SRGAP3: variants seen among roughly 807,000 people sequenced by gnomAD.
SRGAP3 encodes the protein SLIT-ROBO Rho GTPase activating protein 3.
In SRGAP3, 39 loss-of-function variants were observed where a neutral mutation model predicts 121.1. The ratio of observed to expected loss-of-function variants is 0.32; its 90% CI spans 0.25 to 0.42. The LOEUF (loss-of-function observed/expected upper bound fraction) is 0.42. Among genes scored for constraint, SRGAP3 ranks in the 10% least tolerant of loss-of-function variants. The pLI, the probability that SRGAP3 is intolerant of heterozygous loss-of-function variation, is 1.00. For synonymous variants in SRGAP3, 601 were observed against 570.0 expected, an observed-to-expected ratio of 1.05 and a Z score of -0.77; for missense variants, 1,213 against 1,470.6, an observed-to-expected ratio of 0.82 and a Z score of 2.86.
intron 1 of SRGAP3, among the ~76,000 whole-genome samples, chr3:9,347,993 A>G (rs920432403): frequency 9.2e-5 from 14 of 152,240 alleles, no homozygotes; most frequent in African/African-American, 3.4e-4. Context: ...AACAGGCACT[A>G]GAAACACCCA....
At chr3:9,174,683 G>C (rs368397857) in intron 1 of SRGAP3, among the ~76,000 whole-genome samples, 1 of 152,196 alleles carries the variant, frequency 6.6e-6, no homozygotes, top group African/African-American at 2.4e-5. Context: ...GACCTTGCCC[G>C]TTCTCACCAG....
At chr3:9,302,033 G>A (rs1191804586) in intron 3 of SRGAP3, among the ~76,000 whole-genome samples, 1 of 152,166 alleles carries the variant, frequency 6.6e-6, no homozygotes. Context: ...TCGTCTTGCC[G>A]AGAGCTAACA....
At chr3:9,118,572 C>T (rs1948887516) in intron 2 of SRGAP3, among the ~76,000 whole-genome samples, 1 of 152,164 alleles carries the variant, frequency 6.6e-6, no homozygotes, top group Admixed American at 6.5e-5. Flanking sequence ...GGAGGGAAGG[C>T]CAGCACAGCC....
At chr3:9,356,426 G>A (rs996213552) in intron 1 of SRGAP3, among the ~76,000 whole-genome samples, 2 of 140,786 alleles carry the variant, frequency 1.4e-5, no homozygotes, top group Non-Finnish European at 3.0e-5. Context: ...AGGCTGGAGT[G>A]CAGTGGCGCA....
intron 2 of SRGAP3, among the ~76,000 whole-genome samples, chr3:9,118,234 C>A (rs1190141535): frequency 6.6e-6 from 1 of 152,216 alleles, no homozygotes; most frequent in East Asian, 1.9e-4. Flanking sequence ...AAAAATCAGT[C>A]TTTCGTATCC....
intron 8 of SRGAP3, among the ~76,000 whole-genome samples, chr3:9,054,362 C>T (rs532610168): frequency 6.6e-6 from 1 of 152,336 alleles, no homozygotes; most frequent in Admixed American, 6.5e-5. Context: ...TATGATAAAA[C>T]CTTAGTCTGC....
intron 10 of SRGAP3, among the ~76,000 whole-genome samples, chr3:9,047,145 T>A (rs1945329769): frequency 6.6e-6 from 1 of 152,170 alleles, no homozygotes; most frequent in Non-Finnish European, 1.5e-5. Context: ...ATTTTCTTTA[T>A]TTTATTTTTT....
At chr3:9,241,721 T>C (rs1401221911) in intron 1 of SRGAP3, among the ~76,000 whole-genome samples, 1 of 152,040 alleles carries the variant, frequency 6.6e-6, no homozygotes, top group Non-Finnish European at 1.5e-5. Flanking sequence ...GGGGAGGTGA[T>C]TAAGGTTAGA....
chr3:9,345,797 A>AG (rs1245392733), intron 1 of SRGAP3, among the ~76,000 whole-genome samples: 14 of 151,648 alleles, frequency 9.2e-5, no homozygotes, highest in African/African-American at 2.7e-4. Context: ...AAAAAAAAAA[A>AG]AAAAAAAGAA....
chr3:9,051,017 CT>C (rs71049766), intron 9 of SRGAP3, among the ~76,000 whole-genome samples: 3,568 of 81,896 alleles, frequency 0.044, 184 homozygotes, highest in African/African-American at 0.13. Context: ...AGCCTCATTG[CT>C]TTTTTTTTTT....
intron 1 of SRGAP3, among the ~76,000 whole-genome samples, chr3:9,207,913 C>T (rs543905509): frequency 6.6e-6 from 1 of 152,300 alleles, no homozygotes; most frequent in South Asian, 2.1e-4. Context: ...GTTGTTGTTG[C>T]TCTTATGGAA....
chr3:9,191,710 C>T (rs942977513), intron 1 of SRGAP3, among the ~76,000 whole-genome samples: 16 of 152,184 alleles, frequency 1.1e-4, no homozygotes, highest in African/African-American at 3.4e-4. Context: ...TGGGTGTCCC[C>T]GTTCAAATCT....
At chr3:9,264,192 A>T (rs942626233) in intron 3 of SRGAP3, among the ~76,000 whole-genome samples, 1 of 152,218 alleles carries the variant, frequency 6.6e-6, no homozygotes, top group Non-Finnish European at 1.5e-5. Flanking sequence ...AAAAACACTC[A>T]ATAAACTAGG....
intron 1 of SRGAP3, among the ~76,000 whole-genome samples, chr3:9,130,869 C>T (rs114445789): frequency 0.012 from 1,810 of 152,354 alleles, 37 homozygotes; most frequent in African/African-American, 0.04. Context: ...TAAATCACAT[C>T]GTGATGACAG....
intron 2 of SRGAP3, among the ~76,000 whole-genome samples, chr3:9,108,622 T>A: frequency 6.6e-6 from 1 of 152,024 alleles, no homozygotes; most frequent in East Asian, 1.9e-4. Flanking sequence ...GTTTCTAAAA[T>A]AAATAAGAAT....
intron 1 of SRGAP3, among the ~76,000 whole-genome samples, chr3:9,240,425 C>G (rs1459813181): frequency 6.6e-6 from 1 of 152,102 alleles, no homozygotes; most frequent in Non-Finnish European, 1.5e-5. Flanking sequence ...GACTCAATTT[C>G]AGGAGGCAGC....
At chr3:9,093,572 T>G (rs887762905) in intron 3 of SRGAP3, among the ~76,000 whole-genome samples, 1 of 152,102 alleles carries the variant, frequency 6.6e-6, no homozygotes, top group Non-Finnish European at 1.5e-5. Flanking sequence ...CATTCATCCA[T>G]CCATCCATCC....
At chr3:9,181,900 G>A (rs1023271704) in intron 1 of SRGAP3, among the ~76,000 whole-genome samples, 36 of 152,102 alleles carry the variant, frequency 2.4e-4, no homozygotes, top group African/African-American at 8.2e-4. Flanking sequence ...ATGGGCTGGG[G>A]ACGGTGGCTC....
chr3:9,157,641 TAG>T (rs1476355107), intron 1 of SRGAP3, among the ~76,000 whole-genome samples: 1 of 152,158 alleles, frequency 6.6e-6, no homozygotes, highest in East Asian at 1.9e-4. Flanking sequence ...AGAGTAATGA[TAG>T]AGTCTGTCCC....
Sources: gnomAD v4.1 joint callset for allele counts (sites outside exome capture counted in the v4.1 genomes callset) on GRCh38, gnomAD v4.1.1 for gene constraint, MANE v1.5 for transcripts, NCBI Gene and HGNC (gene_info 2026-07-23, HGNC 2026-07-21) for gene names.